The following CDH8 variants were observed in gnomAD, a reference collection of about 807,000 sequenced individuals.
CDH8 encodes cadherin-8.
CDH8 carries 17 observed loss-of-function variants against 68.1 expected under a neutral mutation model. That is an observed-to-expected ratio of 0.25 (90% CI 0.17 to 0.37). CDH8 has a LOEUF of 0.37. Ranked by LOEUF, CDH8 falls within the 10% of genes least tolerant of loss-of-function variation. The pLI is 1.00. For missense variants in CDH8, 763 were observed against 999.3 expected, an observed-to-expected ratio of 0.76 and a Z score of 3.19; for synonymous variants, 372 against 365.1, an observed-to-expected ratio of 1.02 and a Z score of -0.21.
chr16:61,820,930 C>A lies in CDH8; in HGVS notation c.1019G>T (p.Arg340Ile). Residue 340 changes from arginine to isoleucine, a missense_variant, in exon 6 of 12, where the codon AGA becomes ATA. By Grantham distance (97) the Arg-to-Ile change is moderately conservative (BLOSUM62 -3). Transcript: ENST00000577390. ...AQAQDGIIRLRKPLDFETKKS... is the reference protein window; with the variant it reads ...AQAQDGIIRLIKPLDFETKKS... ...ACAAAAGCTTCCTTAGCTTACTTTTCTTAGCCTTATAATGCCATCCTGGGC... is the reference window on the plus strand; with the variant it reads ...ACAAAAGCTTCCTTAGCTTACTTTTATTAGCCTTATAATGCCATCCTGGGC... 1 of 1,609,320 alleles carries A rather than the reference C, an allele frequency of 6.2e-7. No homozygotes were observed.
chr16:61,859,818 G>A (rs1368642283), intron 3 of CDH8, among the ~76,000 whole-genome samples: 1 of 152,100 alleles, frequency 6.6e-6, no homozygotes, highest in Non-Finnish European at 1.5e-5. Flanking sequence ...AGAGGTGATT[G>A]GGCCATGAGG....
At chr16:61,704,736 A>G (rs1038316793) in intron 10 of CDH8, among the ~76,000 whole-genome samples, 13 of 152,278 alleles carry the variant, frequency 8.5e-5, no homozygotes, top group Non-Finnish European at 1.5e-4. Flanking sequence ...GACTTGTCTG[A>G]TTTTAACGTT....
At chr16:61,782,265 T>C (rs1426751989) in intron 8 of CDH8, among the ~76,000 whole-genome samples, 2 of 152,170 alleles carry the variant, frequency 1.3e-5, no homozygotes, top group Non-Finnish European at 2.9e-5. Context: ...GGCGAGGCAT[T>C]GCCTCACCTG....
At chr16:61,827,399 AG>A (rs1298590621) in intron 4 of CDH8, among the ~76,000 whole-genome samples, 1 of 151,826 alleles carries the variant, frequency 6.6e-6, no homozygotes. Context: ...TGATGAGGTG[AG>A]GTCTATGCAT....
intron 2 of CDH8, among the ~76,000 whole-genome samples, chr16:61,966,839 C>T (rs533706748): frequency 6.6e-6 from 1 of 152,240 alleles, no homozygotes; most frequent in Non-Finnish European, 1.5e-5. Context: ...GCACTAGAAC[C>T]TTTACATGCA....
chr16:61,690,596 A>G (rs2142828837), intron 10 of CDH8, among the ~76,000 whole-genome samples: 1 of 152,120 alleles, frequency 6.6e-6, no homozygotes, highest in Non-Finnish European at 1.5e-5. Flanking sequence ...TATAGTAGCT[A>G]TTGATTAAAC....
At chr16:62,015,623 G>T (rs1901920683) in intron 2 of CDH8, among the ~76,000 whole-genome samples, 1 of 152,174 alleles carries the variant, frequency 6.6e-6, no homozygotes, top group Non-Finnish European at 1.5e-5. Context: ...CTAGTTCTCT[G>T]TGTTTCAGCG....
At chr16:61,861,071 C>T (rs1963141187) in intron 3 of CDH8, among the ~76,000 whole-genome samples, 1 of 152,098 alleles carries the variant, frequency 6.6e-6, no homozygotes, top group Non-Finnish European at 1.5e-5. Flanking sequence ...ACAGAAATAA[C>T]AACATGCTAA....
chr16:61,988,316 A>G (rs1965660577), intron 2 of CDH8, among the ~76,000 whole-genome samples: 1 of 152,226 alleles, frequency 6.6e-6, no homozygotes, highest in Non-Finnish European at 1.5e-5. Context: ...ATTATCATCT[A>G]TAGAGAAAAA....
At chr16:61,779,849 C>T (rs1265547849) in intron 8 of CDH8, among the ~76,000 whole-genome samples, 1 of 152,118 alleles carries the variant, frequency 6.6e-6, no homozygotes, top group Non-Finnish European at 1.5e-5. Flanking sequence ...AAAACCGTTT[C>T]GTTCACTTGA....
chr16:61,828,425 T>C (rs1397323845), intron 4 of CDH8, among the ~76,000 whole-genome samples: 1 of 151,904 alleles, frequency 6.6e-6, no homozygotes, highest in Admixed American at 6.6e-5. Flanking sequence ...CCCTGACTTC[T>C]TTCTTGCACA....
intron 8 of CDH8, among the ~76,000 whole-genome samples, chr16:61,727,888 A>G (rs549891914): frequency 6.6e-6 from 1 of 151,218 alleles, no homozygotes; most frequent in South Asian, 2.1e-4. Flanking sequence ...AGAGAACTCA[A>G]TACATAATCC....
intron 8 of CDH8, among the ~76,000 whole-genome samples, chr16:61,757,836 C>G (rs1362802730): frequency 6.6e-6 from 1 of 152,104 alleles, no homozygotes; most frequent in Non-Finnish European, 1.5e-5. Flanking sequence ...ACAAACTGAC[C>G]CTGGCAAGCC....
chr16:61,759,648 G>A (rs914592388), intron 8 of CDH8, among the ~76,000 whole-genome samples: 2 of 152,098 alleles, frequency 1.3e-5, no homozygotes, highest in Admixed American at 1.3e-4. Flanking sequence ...GAGTAATGCT[G>A]TCTACAGAAA....
At chr16:61,942,899 G>T (rs772874313) in intron 2 of CDH8, among the ~76,000 whole-genome samples, 2 of 151,984 alleles carry the variant, frequency 1.3e-5, no homozygotes, top group Admixed American at 6.6e-5. Context: ...CGGCAAAACC[G>T]CACCTCTACA....
At chr16:61,878,794 T>A (rs1251058868) in intron 3 of CDH8, among the ~76,000 whole-genome samples, 1 of 152,204 alleles carries the variant, frequency 6.6e-6, no homozygotes, top group Admixed American at 6.5e-5. Flanking sequence ...ATTTTACAAA[T>A]AATCAGTAGG....
intron 3 of CDH8, among the ~76,000 whole-genome samples, chr16:61,887,256 T>A (rs1963691980): frequency 6.6e-6 from 1 of 152,100 alleles, no homozygotes; most frequent in African/African-American, 2.4e-5. Flanking sequence ...GAACACATTT[T>A]AAAGGATAGG....
chr16:61,874,220 T>C (rs2143074412), intron 3 of CDH8, among the ~76,000 whole-genome samples: 1 of 152,270 alleles, frequency 6.6e-6, no homozygotes, highest in South Asian at 2.1e-4. Flanking sequence ...ATTTCAAACA[T>C]TTTTAAAAAA....
At chr16:61,793,404 C>T (rs1596972932) in intron 7 of CDH8, among the ~76,000 whole-genome samples, 1 of 151,930 alleles carries the variant, frequency 6.6e-6, no homozygotes, top group South Asian at 2.1e-4. Flanking sequence ...GATCCTCTCC[C>T]TCCTCCCTCC....
Sources: gnomAD v4.1 joint callset for allele counts (sites outside exome capture counted in the v4.1 genomes callset) on GRCh38, gnomAD v4.1.1 for gene constraint, MANE v1.5 for transcripts, NCBI Gene and HGNC (gene_info 2026-07-23, HGNC 2026-07-21) for gene names.